EBF1: variants seen among roughly 807,000 people sequenced by gnomAD.
EBF1 encodes the protein transcription factor COE1.
A neutral mutation model predicts 68.4 loss-of-function variants in EBF1; 10 were observed. The observed-to-expected ratio is 0.15, with a 90% CI of 0.09 to 0.25. The LOEUF is 0.25. EBF1 is among the 10% of genes least tolerant of loss of function. EBF1 has a pLI of 1.00. For missense variants in EBF1, 509 were observed against 794.4 expected, an observed-to-expected ratio of 0.64 and a Z score of 4.32; for synonymous variants, 298 against 299.8, an observed-to-expected ratio of 0.99 and a Z score of 0.06.
Position 158,990,143 on chromosome 5 carries a change from G to T in EBF1, c.554+83253C>A, listed in dbSNP as rs192639718. Among the ~76,000 whole-genome samples the T allele has an allele frequency of 3.0e-3, 453 of 152,288 alleles. 3 individuals carry two copies. The highest frequency in any genetic ancestry group is 1.0e-2 in the African/African-American group (415 of 41,544). On this transcript the variant is annotated intron_variant, in intron 6 of 15. Transcript: ENST00000313708. ...AGACATGGGATTGGGGCACCAAGGG[G>T]TTCAGTCAAAGTGCAGGTGGGGCAG...
chr5:158,976,906 T>C (rs952907597), intron 6 of EBF1, among the ~76,000 whole-genome samples: 1 of 152,190 alleles, frequency 6.6e-6, no homozygotes, highest in African/African-American at 2.4e-5. Context: ...AGGCAGTGAA[T>C]GTCAATTTAG....
intron 6 of EBF1, among the ~76,000 whole-genome samples, chr5:158,990,090 C>A (rs888709842): frequency 9.2e-5 from 14 of 152,162 alleles, no homozygotes; most frequent in African/African-American, 3.1e-4. Context: ...GAAATGTGAA[C>A]CTCCTGCGGC....
At chr5:159,079,339 T>C (rs1779336300) in intron 5 of EBF1, among the ~76,000 whole-genome samples, 1 of 152,198 alleles carries the variant, frequency 6.6e-6, no homozygotes, top group African/African-American at 2.4e-5. Flanking sequence ...TTATCAAGTT[T>C]TCCCATTGTC....
chr5:158,709,955 T>A (rs919255955), intron 14 of EBF1, among the ~76,000 whole-genome samples: 1 of 152,156 alleles, frequency 6.6e-6, no homozygotes, highest in African/African-American at 2.4e-5. Flanking sequence ...GGGGGGCCAG[T>A]TAACAGAGGT....
At chr5:158,971,556 G>T (rs1029697993) in intron 6 of EBF1, among the ~76,000 whole-genome samples, 3 of 152,150 alleles carry the variant, frequency 2.0e-5, no homozygotes, top group Admixed American at 6.5e-5. Context: ...GGCTGAAGAG[G>T]TTCCATGACT....
chr5:158,733,481 A>G (rs1257103513), intron 10 of EBF1, among the ~76,000 whole-genome samples: 1 of 152,142 alleles, frequency 6.6e-6, no homozygotes. Context: ...GCCAGCTCAC[A>G]GAGGAATGAC....
chr5:158,757,079 C>G (rs983394086), intron 10 of EBF1, among the ~76,000 whole-genome samples: 2 of 151,854 alleles, frequency 1.3e-5, no homozygotes, highest in African/African-American at 4.8e-5. Context: ...TAAATTGGAA[C>G]AATGCTTTGC....
chr5:158,712,348 C>A lies in EBF1; in HGVS notation c.1370-15G>T, dbSNP rs1178023819. The A allele has an allele frequency of 3.1e-6, 5 of 1,611,994 alleles. No homozygotes were observed. Among genetic ancestry groups the A allele is most frequent in the Non-Finnish European group, 4.2e-6 (5 of 1,178,810 alleles). On this transcript the variant is annotated splice_polypyrimidine_tract_variant and intron_variant, in intron 13 of 15. Transcript: ENST00000313708. ...GCGGGTGAAACCTGAGGGGCGGGGG[C>A]AAAACCGGAGGTGAGGGTGGCATTC...
chr5:158,969,842 G>GAAAGAAAGAA (rs1225774113), intron 6 of EBF1, among the ~76,000 whole-genome samples: 1 of 67,534 alleles, frequency 1.5e-5, no homozygotes, highest in African/African-American at 5.9e-5. Context: ...AAGAAAGAAA[G>GAAAGAAAGAA]AGAAAGAAAG....
At chr5:159,056,942 T>C (rs577458396) in intron 6 of EBF1, among the ~76,000 whole-genome samples, 23 of 152,264 alleles carry the variant, frequency 1.5e-4, no homozygotes, top group African/African-American at 5.5e-4. Context: ...AAACAAAAAT[T>C]GCAATTTGTC....
At chr5:158,931,096 G>A (rs1017223826) in intron 6 of EBF1, among the ~76,000 whole-genome samples, 1 of 152,226 alleles carries the variant, frequency 6.6e-6, no homozygotes, top group African/African-American at 2.4e-5. Context: ...CATCAAAGCA[G>A]CAGGTCCAGT....
At position 158,712,995 on chromosome 5, in the gene EBF1, G is replaced by A. The variant is rs751083175; in HGVS notation, c.1344C>T (p.Ser448=). The change falls in exon 13 of 16, where the codon TCC becomes TCT. Residue 448 remains serine, a synonymous_variant. Coordinates refer to ENST00000313708, the MANE Select transcript of EBF1 (RefSeq NM_024007.5). ...SFSGQLAVNV[S]EASQATNQGF... is the part of the protein sequence containing the mutation. ...CCTGATTGGTGGCTTGTGATGCCTC[G>A]GAGACATTCACGGCCAGTTGTCCAC... 1.4e-5 allele frequency: 22 copies of A among 1,518,024 alleles called. No individual in the cohort carries two copies. Among genetic ancestry groups the A allele is most frequent in the Middle Eastern group, 1.8e-4 (1 of 5,692 alleles). The allele number at this position is 1,518,024 out of a possible 1,614,324, so 94.0% of individuals were successfully genotyped here. A position where few individuals can be genotyped will look rare whatever the true frequency, so the allele number is the denominator to read the frequency against.
chr5:158,716,707 G>A (rs377274746), intron 11 of EBF1, among the ~76,000 whole-genome samples: 1 of 152,106 alleles, frequency 6.6e-6, no homozygotes, highest in African/African-American at 2.4e-5. Context: ...CTTGGATTTC[G>A]GTGACCAGAA....
Position 159,068,863 on chromosome 5 carries a change from G to A in EBF1, c.554+4533C>T, listed in dbSNP as rs145210224. Reference sequence around the variant, plus strand: ...GGAGACCCTTGCGTAAGTGTGACCCGAAGTAATTCCAAACAGACTAGGTTT... The same window carrying A: ...GGAGACCCTTGCGTAAGTGTGACCCAAAGTAATTCCAAACAGACTAGGTTT... On this transcript the variant is annotated intron_variant, in intron 6 of 15. Transcript: ENST00000313708. Among the ~76,000 whole-genome samples the A allele has an allele frequency of 5.0e-3, 753 of 152,098 alleles. 8 individuals are homozygous for A. Among genetic ancestry groups the A allele is most frequent in the African/African-American group, 0.017 (716 of 41,510 alleles).
chr5:158,811,749 A>G (rs1485873422), intron 8 of EBF1, among the ~76,000 whole-genome samples: 2 of 152,222 alleles, frequency 1.3e-5, no homozygotes, highest in East Asian at 1.9e-4. Flanking sequence ...CAATGGAACC[A>G]CATCTCAAAG....
At chr5:158,738,760 A>G (rs1349062975) in intron 10 of EBF1, among the ~76,000 whole-genome samples, 3 of 152,254 alleles carry the variant, frequency 2.0e-5, no homozygotes, top group African/African-American at 7.2e-5. Flanking sequence ...TATTATTCCA[A>G]GATGACTATT....
chr5:158,829,470 C>A (rs528825412), intron 7 of EBF1, among the ~76,000 whole-genome samples: 1 of 151,832 alleles, frequency 6.6e-6, no homozygotes, highest in Admixed American at 6.6e-5. Flanking sequence ...TAGTCATGAG[C>A]CACCACACCC....
intron 8 of EBF1, among the ~76,000 whole-genome samples, chr5:158,796,938 A>G (rs1289853906): frequency 6.6e-6 from 1 of 152,220 alleles, no homozygotes; most frequent in Non-Finnish European, 1.5e-5. Flanking sequence ...GGAGCGGGAA[A>G]TGATTCTTGC....
At position 158,708,159 on chromosome 5, in the gene EBF1, G is replaced by T. The variant is rs1228911306; in HGVS notation, c.1564C>A (p.Pro522Thr). Residue 522 changes from proline to threonine, a missense_variant, in exon 15 of 16, where the codon CCC becomes ACC. Pro to Thr is a conservative substitution (Grantham distance 38). Around this residue, in one of 3 missense-constraint regions of EBF1, gnomAD observed 205 missense variants for 247.4 expected, o/e 0.83. Coordinates refer to ENST00000313708, the MANE Select transcript of EBF1 (RefSeq NM_024007.5). ...NSPYAIVPSS[P>T]TMASSTSLPS... is the part of the protein sequence containing the mutation. The stretch of plus-strand genomic sequence containing the variant: ...AGGCTTGTGGAGGAGGCCATGGTGG[G>T]GCTGGATGGCACTACTGAGAGGGGC... The T allele has an allele frequency of 1.9e-6, 3 of 1,581,338 alleles. No homozygotes were observed. The highest frequency in any genetic ancestry group is 2.6e-6 in the Non-Finnish European group (3 of 1,163,080).
Sources: gnomAD v4.1 joint callset for allele counts (sites outside exome capture counted in the v4.1 genomes callset) on GRCh38, gnomAD v4.1.1 for gene constraint, gnomAD v4.1.1 regional missense constraint, MANE v1.5 for transcripts, NCBI Gene and HGNC (gene_info 2026-07-23, HGNC 2026-07-21) for gene names.